RGS7: variants seen among roughly 807,000 people sequenced by gnomAD.
RGS7 encodes the protein regulator of G protein signaling 7, also known as regulator of G-protein signaling 7.
Under a neutral mutation model 81.1 loss-of-function variants are expected in RGS7, and 27 were observed. The observed-to-expected ratio is 0.33, with a 90% confidence interval of 0.25 to 0.46. The LOEUF is 0.46. Among genes scored for constraint, RGS7 ranks in the 20% least tolerant of loss-of-function variants. RGS7 has a pLI of 1.00. For synonymous variants in RGS7, 208 were observed against 207.7 expected (o/e 1.00, Z -0.01); for missense variants, 396 against 607.4 (o/e 0.65, Z 3.66).
intron 2 of RGS7, among the ~76,000 whole-genome samples, chr1:241,262,339 G>A (rs1419358351): frequency 6.6e-6 from 1 of 152,220 alleles, no homozygotes. Flanking sequence ...ACATTTGGAT[G>A]AGAATTGCAA....
At chr1:240,847,946 T>C (rs1057052715) in intron 9 of RGS7, among the ~76,000 whole-genome samples, 2 of 152,164 alleles carry the variant, frequency 1.3e-5, no homozygotes, top group African/African-American at 4.8e-5. Context: ...AATTCACATA[T>C]TACTAACAGA....
At chr1:240,840,935 TG>T (rs2147877387) in intron 9 of RGS7, among the ~76,000 whole-genome samples, 1 of 151,104 alleles carries the variant, frequency 6.6e-6, no homozygotes, top group African/African-American at 2.5e-5. Context: ...TCTGTTTGCT[TG>T]TGTGTATGTG....
intron 3 of RGS7, among the ~76,000 whole-genome samples, chr1:241,028,404 C>A (rs1252069485): frequency 6.6e-6 from 1 of 152,148 alleles, no homozygotes; most frequent in African/African-American, 2.4e-5. Context: ...TTGTGCCTAT[C>A]CAAAGCTTTA....
rs1553331368 is a variant in RGS7 at position 240,868,152 on chromosome 1, A to AAGAAAGAAAG, written c.609+434_609+435insCTTTCTTTCT. On this transcript the variant is annotated intron_variant, in intron 9 of 18. Transcript: ENST00000440928. The surrounding 1 kb of genome is among the most constrained non-coding windows in gnomAD (Gnocchi z 5.1). The stretch of plus-strand genomic sequence containing the variant: ...AAAGAAAGAAAGAAAGAAAGAAAGA[A>AAGAAAGAAAG]AGAAAGGACGGAGGGAGGGAAGGAC... Among the ~76,000 whole-genome samples the AAGAAAGAAAG allele has an allele frequency of 6.2e-3, 582 of 94,468 alleles. 9 individuals carry two copies. The highest frequency in any genetic ancestry group is 0.021 in the African/African-American group (520 of 24,824). 62.0% of individuals were successfully genotyped at this position (94,468 alleles called of 152,430 possible).
intron 2 of RGS7, among the ~76,000 whole-genome samples, chr1:241,235,641 T>TTCCTCATTCTCTCTTTCTTTC (rs2075905414): frequency 8.8e-6 from 1 of 113,578 alleles, no homozygotes; most frequent in African/African-American, 3.6e-5. Flanking sequence ...TTTTTTCTTT[T>TTCCTCATTCTCTCTTTCTTTC]TTCTCATTCT....
chr1:241,307,735 C>T (rs1447961570), intron 2 of RGS7, among the ~76,000 whole-genome samples: 1 of 152,114 alleles, frequency 6.6e-6, no homozygotes, highest in Non-Finnish European at 1.5e-5. Context: ...GATGTATCGC[C>T]CAGCACCTGC....
chr1:241,254,698 T>C (rs1462123310), intron 2 of RGS7, among the ~76,000 whole-genome samples: 1 of 152,214 alleles, frequency 6.6e-6, no homozygotes, highest in African/African-American at 2.4e-5. Context: ...TTCAATTGTA[T>C]AATTCTTATG....
intron 6 of RGS7, among the ~76,000 whole-genome samples, chr1:240,874,613 T>C (rs1665050578): frequency 1.3e-5 from 2 of 152,226 alleles, no homozygotes; most frequent in African/African-American, 4.8e-5. Flanking sequence ...AGTTGATAAA[T>C]GAGAAATTGC....
rs1261761573 is a variant in RGS7, at chr1:241,164,221, C to T, written c.79-65459G>A. 1.3e-5 allele frequency among the ~76,000 whole-genome samples: 2 copies of T among 151,622 alleles called. No individual in the cohort carries two copies. The highest frequency in any genetic ancestry group is 1.3e-4 in the Admixed American group (2 of 15,248). On this transcript the variant is annotated intron_variant, in intron 2 of 18. Transcript: ENST00000440928. The surrounding 1 kb of genome is among the most constrained non-coding windows in gnomAD (Gnocchi z 4.1). Reference sequence around the variant, plus strand: ...TGACCTTCCTGAATGGCTCCACCCTCCAGGAACTGCCACATGTTCAGCTAT... The same window carrying T: ...TGACCTTCCTGAATGGCTCCACCCTTCAGGAACTGCCACATGTTCAGCTAT...
intron 3 of RGS7, among the ~76,000 whole-genome samples, chr1:241,080,319 G>T (rs1174692482): frequency 6.6e-6 from 1 of 150,772 alleles, no homozygotes; most frequent in Non-Finnish European, 1.5e-5. Flanking sequence ...GAGTGTAAAA[G>T]GCTATAAGGT....
chr1:241,212,982 T>C (rs2074334333), intron 2 of RGS7, among the ~76,000 whole-genome samples: 1 of 152,204 alleles, frequency 6.6e-6, no homozygotes, highest in African/African-American at 2.4e-5. Flanking sequence ...AGTGTCCTTG[T>C]GCGTGTGTTT....
At position 240,868,475 on chromosome 1, in the gene RGS7, C is replaced by T. The variant is rs1413284734; in HGVS notation, c.609+112G>A. 8 of 866,870 alleles carry T rather than the reference C, an allele frequency of 9.2e-6. No individual in the cohort carries two copies. The South Asian group carries it at 9.2e-5, about 10-fold the overall frequency. The allele number at this position is 866,870 out of a possible 1,614,324, so 53.7% of individuals were successfully genotyped here. ...TTTTCTTAATGAATTCACCAAGATA[C>T]CATGGAGCGTGCATGGGGTCACTAC... On this transcript the variant is annotated intron_variant, in intron 9 of 18. Transcript: ENST00000440928. The surrounding 1 kb of genome is among the most constrained non-coding windows in gnomAD (Gnocchi z 5.1).
At chr1:241,329,148 C>A (rs1017531712) in intron 2 of RGS7, among the ~76,000 whole-genome samples, 6 of 152,194 alleles carry the variant, frequency 3.9e-5, no homozygotes, top group Non-Finnish European at 4.4e-5. Flanking sequence ...TCATTTCCAA[C>A]TTCGAGATCT....
chr1:241,296,826 T>A (rs540066613), intron 2 of RGS7, among the ~76,000 whole-genome samples: 9 of 152,356 alleles, frequency 5.9e-5, no homozygotes, highest in African/African-American at 1.9e-4. Flanking sequence ...AATGATGAAA[T>A]CTGTCATGCA....
intron 3 of RGS7, among the ~76,000 whole-genome samples, chr1:241,051,852 G>T (rs1224726018): frequency 1.3e-5 from 2 of 152,142 alleles, no homozygotes; most frequent in Non-Finnish European, 2.9e-5. Flanking sequence ...TTCAGTAGGT[G>T]CTATAATTAT....
chr1:241,315,104 C>CTTTTTTTT (rs2080788834), intron 2 of RGS7, among the ~76,000 whole-genome samples: 5 of 34,158 alleles, frequency 1.5e-4, no homozygotes, highest in African/African-American at 2.4e-4. Context: ...TTTTCTTCTT[C>CTTTTTTTT]TTCTTTTTTT....
At chr1:241,229,209 A>G (rs2075503324) in intron 2 of RGS7, among the ~76,000 whole-genome samples, 1 of 152,212 alleles carries the variant, frequency 6.6e-6, no homozygotes, top group South Asian at 2.1e-4. Context: ...AAGCCAGAAC[A>G]GATGGCCCAC....
intron 6 of RGS7, among the ~76,000 whole-genome samples, chr1:240,903,215 C>T (rs1165099183): frequency 6.6e-6 from 1 of 152,166 alleles, no homozygotes; most frequent in East Asian, 1.9e-4. Flanking sequence ...AGAAAATTTG[C>T]TCATCAGTGC....
intron 2 of RGS7, among the ~76,000 whole-genome samples, chr1:241,341,101 A>T (rs2082518313): frequency 6.6e-6 from 1 of 152,180 alleles, no homozygotes; most frequent in Admixed American, 6.5e-5. Context: ...ACAGAAGCTC[A>T]TGGAGATATT....
Sources: allele counts gnomAD v4.1 joint callset (sites outside exome capture counted in the v4.1 genomes callset), GRCh38; gene constraint gnomAD v4.1.1; non-coding constraint Gnocchi (gnomAD v3.1); transcripts MANE v1.5; gene names NCBI Gene and HGNC (gene_info 2026-07-23, HGNC 2026-07-21).